PCDHA2: variants seen among roughly 807,000 people sequenced by gnomAD.
PCDHA2 encodes the protein protocadherin alpha 2.
PCDHA2 carries 58 observed loss-of-function variants against 66.0 expected under a neutral mutation model. The observed-to-expected ratio is 0.88, with a 90% CI of 0.71 to 1.09. The LOEUF is 1.09. Ranked by LOEUF, PCDHA2 falls within the 50% of genes least tolerant of loss-of-function variation. PCDHA2 has a pLI of 0.00. For missense variants in PCDHA2, 1,267 were observed against 1,242.3 expected (o/e 1.02, Z -0.30); for synonymous variants, 634 against 554.0 (o/e 1.14, Z -2.03).
intron 2 of PCDHA2, among the ~76,000 whole-genome samples, chr5:140,979,979 T>C (rs1007546118): frequency 6.6e-6 from 1 of 152,194 alleles, no homozygotes; most frequent in African/African-American, 2.4e-5. Flanking sequence ...ATGCATTAGA[T>C]TGAAATAAAT....
intron 1 of PCDHA2, among the ~76,000 whole-genome samples, chr5:140,916,395 G>A (rs2077556484): frequency 6.6e-6 from 1 of 152,180 alleles, no homozygotes; most frequent in African/African-American, 2.4e-5. Flanking sequence ...GGAATGTGCT[G>A]GATCACACCT....
intron 1 of PCDHA2, among the ~76,000 whole-genome samples, chr5:140,972,168 G>T (rs969968770): frequency 2.6e-5 from 4 of 152,064 alleles, no homozygotes; most frequent in African/African-American, 9.7e-5. Context: ...TTGAGACAGA[G>T]TCTTGGCCTG....
chr5:141,010,146 C>T lies in PCDHA2; in HGVS notation c.*209C>T. 2 of 1,584,410 alleles carry T rather than the reference C, an allele frequency of 1.3e-6. No homozygotes were observed. Among genetic ancestry groups the T allele is most frequent in the Non-Finnish European group, 1.7e-6 (2 of 1,164,258 alleles). On this transcript the variant is annotated 3_prime_UTR_variant, in exon 4 of 4. Coordinates refer to ENST00000526136, the MANE Select transcript of PCDHA2 (RefSeq NM_018905.3). ...TAAGTCTGGTGTTAACTCTTTCTCTCCACTCTGGCTTGTTTTCAGAACCTA... is the reference window on the plus strand; with the variant it reads ...TAAGTCTGGTGTTAACTCTTTCTCTTCACTCTGGCTTGTTTTCAGAACCTA...
intron 1 of PCDHA2, among the ~76,000 whole-genome samples, chr5:140,976,828 C>G (rs935294640): frequency 6.6e-6 from 1 of 152,262 alleles, no homozygotes; most frequent in Admixed American, 6.5e-5. Flanking sequence ...GTCTAATGAG[C>G]AAAACAGATA....
At chr5:140,869,752 G>A (rs1398153775) in intron 1 of PCDHA2, 17 of 1,613,136 alleles carry the variant, frequency 1.1e-5, no homozygotes, top group African/African-American at 1.3e-5. Context: ...AGCTACAGAC[G>A]GGGGAAAACC....
rs2150416321 is a variant in PCDHA2 at position 140,848,658 on chromosome 5, G to C, written c.2388+51306G>C. On this transcript the variant is annotated intron_variant, in intron 1 of 3. Coordinates refer to ENST00000526136, the MANE Select transcript of PCDHA2 (RefSeq NM_018905.3). ...CCGCATCGCGCAGGACCTGGGGCTG[G>C]AGCTGGCGGAGCTGGTGCCGCGCCT... The C allele has an allele frequency of 2.5e-6, 4 of 1,592,362 alleles. No homozygotes were observed. The highest frequency in any genetic ancestry group is 4.5e-5 in the East Asian group (2 of 44,824).
chr5:140,941,214 C>CTTCTTTCTTT (rs1554214039), intron 1 of PCDHA2, among the ~76,000 whole-genome samples: 1 of 122,414 alleles, frequency 8.2e-6, no homozygotes, highest in Admixed American at 8.5e-5. Context: ...TTTCTTTCTT[C>CTTCTTTCTTT]CTTTCTTTCT....
chr5:140,964,701 C>T (rs1228970267), intron 1 of PCDHA2, among the ~76,000 whole-genome samples: 2 of 151,776 alleles, frequency 1.3e-5, no homozygotes, highest in Non-Finnish European at 2.9e-5. Context: ...GAGATTAAGG[C>T]CTCCGAGATC....
At chr5:140,875,397 G>T in intron 1 of PCDHA2, 2 of 1,480,686 alleles carry the variant, frequency 1.4e-6, no homozygotes, top group South Asian at 1.4e-5. Flanking sequence ...AGAAAAGGGT[G>T]ACTGCTCATA....
intron 1 of PCDHA2, chr5:140,870,840 A>G (rs1554164745): frequency 1.9e-6 from 3 of 1,613,712 alleles, no homozygotes; most frequent in Admixed American, 3.3e-5. Context: ...TTAACAAGCT[A>G]GTACCGCGGT....
intron 1 of PCDHA2, among the ~76,000 whole-genome samples, chr5:140,924,575 T>C (rs1255232429): frequency 6.6e-6 from 1 of 152,078 alleles, no homozygotes; most frequent in East Asian, 1.9e-4. Flanking sequence ...TTTTTAAATG[T>C]TTTCAAATAT....
chr5:140,823,895 C>A, intron 1 of PCDHA2: 1 of 1,613,974 alleles, frequency 6.2e-7, no homozygotes. Context: ...TGTGCGGTGT[C>A]CAGCCTGCTG....
intron 1 of PCDHA2, among the ~76,000 whole-genome samples, chr5:140,838,012 A>G (rs2150146283): frequency 6.6e-6 from 1 of 151,110 alleles, no homozygotes; most frequent in East Asian, 1.9e-4. Flanking sequence ...TAAAAAAAGA[A>G]GTGATTACAG....
chr5:140,802,849 T>C, intron 1 of PCDHA2: 4 of 1,613,748 alleles, frequency 2.5e-6, no homozygotes, highest in Non-Finnish European at 3.4e-6. Flanking sequence ...AACGTGACGC[T>C]GCAGGTGTTC....
rs2150124960 is a variant in PCDHA2 at position 140,823,354 on chromosome 5, G to C, written c.2388+26002G>C. ...GCTGCAGCCGCTGGACCACGAGGAA[G>C]TGGAGCTGCTGCAGTTCCAGGTGAG... On this transcript the variant is annotated intron_variant, in intron 1 of 3. Coordinates refer to ENST00000526136, the MANE Select transcript of PCDHA2 (RefSeq NM_018905.3). 30 of 1,612,450 alleles carry C rather than the reference G, an allele frequency of 1.9e-5. No individual in the cohort carries two copies. In the African/African-American group the frequency reaches 2.8e-4, roughly 15 times the overall value.
chr5:140,802,914 A>G lies in PCDHA2; in HGVS notation c.2388+5562A>G, dbSNP rs782605739. 24 of 1,613,664 alleles carry G rather than the reference A, an allele frequency of 1.5e-5. No homozygotes were observed. Among genetic ancestry groups the G allele is most frequent in the Admixed American group, 5.0e-5 (3 of 59,988 alleles). Reference sequence around the variant, plus strand: ...ACTGCTGATGCCTCGGGTGGGTGGCATCGGTGGCGCAGTGAGCGAGCTGGT... The same window carrying G: ...ACTGCTGATGCCTCGGGTGGGTGGCGTCGGTGGCGCAGTGAGCGAGCTGGT... On this transcript the variant is annotated intron_variant, in intron 1 of 3. Transcript: ENST00000526136.
At chr5:140,992,318 C>G (rs2097504992) in intron 3 of PCDHA2, among the ~76,000 whole-genome samples, 1 of 152,128 alleles carries the variant, frequency 6.6e-6, no homozygotes, top group African/African-American at 2.4e-5. Flanking sequence ...TGGGCATTCC[C>G]TTTTCTAAGA....
chr5:141,010,802 G>A lies in PCDHA2; in HGVS notation c.*865G>A, dbSNP rs1323558356. On this transcript the variant is annotated 3_prime_UTR_variant, in exon 4 of 4. Coordinates refer to ENST00000526136, the MANE Select transcript of PCDHA2 (RefSeq NM_018905.3). ...TTATGCAAAAGCAAAAGAAAACCCC[G>A]ACACCTCACCTTTCGCTGTTTGTTG... 6.5e-6 allele frequency: 1 copy of A among 153,554 alleles called. No homozygotes were observed. The highest frequency in any genetic ancestry group is 1.5e-5 in the Non-Finnish European group (1 of 68,024). The allele number at this position is 153,554 out of a possible 1,614,324, so 9.5% of individuals were successfully genotyped here. A position where few individuals can be genotyped will look rare whatever the true frequency, so the allele number is the denominator to read the frequency against.
At chr5:140,877,041 A>C (rs782570873) in intron 1 of PCDHA2, 1 of 1,612,586 alleles carries the variant, frequency 6.2e-7, no homozygotes, top group Non-Finnish European at 8.5e-7. Context: ...TGCAGCCGCT[A>C]GACCACGAGG....
Sources: gnomAD v4.1 joint callset for allele counts (sites outside exome capture counted in the v4.1 genomes callset) on GRCh38, gnomAD v4.1.1 for gene constraint, MANE v1.5 for transcripts, NCBI Gene and HGNC (gene_info 2026-07-23, HGNC 2026-07-21) for gene names.